PHYHIPL: variants seen among roughly 807,000 people sequenced by gnomAD.
The protein encoded by PHYHIPL is phytanoyl-CoA hydroxylase-interacting protein-like.
Under a neutral mutation model 33.4 loss-of-function variants are expected in PHYHIPL, and 9 were observed. The observed-to-expected ratio is 0.27, with a 90% confidence interval of 0.16 to 0.47. The LOEUF is 0.47. Ranked by LOEUF, PHYHIPL falls within the 20% of genes least tolerant of loss-of-function variation. The probability of loss-of-function intolerance (pLI) is 0.99; values close to 1 mark genes in which losing one functional copy is unlikely to be tolerated. For missense variants in PHYHIPL, 365 were observed against 460.7 expected (o/e 0.79, Z 1.90); for synonymous variants, 153 against 154.1 (o/e 0.99, Z 0.05).
intron 1 of PHYHIPL, among the ~76,000 whole-genome samples, chr10:59,212,728 A>C (rs1839496854): frequency 6.6e-6 from 1 of 152,180 alleles, no homozygotes; most frequent in Non-Finnish European, 1.5e-5. Context: ...TTGCTCAATT[A>C]AACTCTGTTA....
intron 1 of PHYHIPL, among the ~76,000 whole-genome samples, chr10:59,184,984 A>ATTTTT (rs34336392): frequency 1.2e-4 from 11 of 92,088 alleles, no homozygotes; most frequent in Non-Finnish European, 1.6e-4. Flanking sequence ...TGAACTCATC[A>ATTTTT]TTTTTTTTTT....
intron 1 of PHYHIPL, among the ~76,000 whole-genome samples, chr10:59,194,281 A>G (rs2133204830): frequency 6.6e-6 from 1 of 152,042 alleles, no homozygotes; most frequent in African/African-American, 2.4e-5. Flanking sequence ...TTATTTTTCT[A>G]AGAGCTTCAT....
At chr10:59,236,224 T>TAAGTA (rs1222733671) in intron 2 of PHYHIPL, among the ~76,000 whole-genome samples, 1 of 151,954 alleles carries the variant, frequency 6.6e-6, no homozygotes, top group Non-Finnish European at 1.5e-5. Context: ...TAATAATTGT[T>TAAGTA]AAGTATCTTT....
In PHYHIPL at chr10:59,186,256, G is replaced by T. The variant is rs530670258; in HGVS notation, c.106+9297G>T. On this transcript the variant is annotated intron_variant, in intron 1 of 4. Coordinates refer to ENST00000373880, the MANE Select transcript of PHYHIPL (RefSeq NM_032439.4). ...CCCATGGCTTATTTTTGTCAGGTTT[G>T]TCAAAGATCAGATAGTTGTAGATAT... is the stretch of plus-strand genomic sequence containing the variant. 2.6e-5 allele frequency among the ~76,000 whole-genome samples: 4 copies of T among 152,272 alleles called. No homozygotes were observed. The South Asian group carries it at 8.3e-4, about 32-fold the overall frequency.
intron 1 of PHYHIPL, among the ~76,000 whole-genome samples, chr10:59,226,252 CT>C (rs1839918902): frequency 1.3e-5 from 2 of 151,924 alleles, no homozygotes; most frequent in South Asian, 4.1e-4. Flanking sequence ...GGGAGAAACA[CT>C]TAGAATTTTT....
At chr10:59,177,568 T>C in intron 1 of PHYHIPL, 1 of 1,551,726 alleles carries the variant, frequency 6.4e-7, no homozygotes, top group Non-Finnish European at 8.7e-7. Flanking sequence ...TGAGTCAGAC[T>C]GTCGAAAATA....
chr10:59,206,413 G>A (rs943164886), intron 1 of PHYHIPL, among the ~76,000 whole-genome samples: 4 of 152,138 alleles, frequency 2.6e-5, no homozygotes, highest in African/African-American at 9.7e-5. Context: ...TGGAGTTCTC[G>A]TGATTGGCAT....
intron 1 of PHYHIPL, among the ~76,000 whole-genome samples, chr10:59,221,246 T>C (rs1307477547): frequency 6.6e-6 from 1 of 152,058 alleles, no homozygotes; most frequent in Non-Finnish European, 1.5e-5. Context: ...TGCTGGATAG[T>C]TTTAATATTC....
At chr10:59,218,870 A>G (rs1057340735) in intron 1 of PHYHIPL, among the ~76,000 whole-genome samples, 8 of 152,146 alleles carry the variant, frequency 5.3e-5, no homozygotes, top group African/African-American at 1.9e-4. Context: ...AACCCACCTC[A>G]TATTACAATG....
At chr10:59,200,630 T>C (rs1235048370) in intron 1 of PHYHIPL, among the ~76,000 whole-genome samples, 1 of 152,174 alleles carries the variant, frequency 6.6e-6, no homozygotes, top group Non-Finnish European at 1.5e-5. Context: ...TCAGAAGGAA[T>C]GGTACCAGCT....
chr10:59,236,936 A>G (rs1032542990), intron 3 of PHYHIPL, among the ~76,000 whole-genome samples: 1 of 151,672 alleles, frequency 6.6e-6, no homozygotes, highest in Non-Finnish European at 1.5e-5. Context: ...AAAGGTATGC[A>G]GTTTGAAAAT....
At chr10:59,174,123 A>G (rs2133164501), upstream of PHYHIPL, among the ~76,000 whole-genome samples, 1 of 151,384 alleles carries the variant, frequency 6.6e-6, no homozygotes, top group East Asian at 2.0e-4. Flanking sequence ...TGGGAAAGTA[A>G]TTTCTCTGTC....
At chr10:59,234,168 A>C (rs558866325) in intron 1 of PHYHIPL, 136 bp from the exon 2 acceptor site, 15 of 659,330 alleles carry the variant, frequency 2.3e-5, no homozygotes, top group Middle Eastern at 4.1e-4. Flanking sequence ...AACAAATTGG[A>C]AACATAAATG....
intron 4 of PHYHIPL, among the ~76,000 whole-genome samples, chr10:59,239,455 C>T (rs1428425846): frequency 1.3e-5 from 2 of 152,012 alleles, no homozygotes; most frequent in Non-Finnish European, 2.9e-5. Context: ...CACTGGGTTC[C>T]TCCCATGACA....
chr10:59,240,028 A>G (rs907848445), intron 4 of PHYHIPL, among the ~76,000 whole-genome samples: 4 of 152,142 alleles, frequency 2.6e-5, no homozygotes, highest in Admixed American at 6.6e-5. Context: ...ACACGTAGGC[A>G]TCTGTGTTCT....
intron 1 of PHYHIPL, among the ~76,000 whole-genome samples, chr10:59,185,178 G>T (rs1189575197): frequency 9.9e-5 from 15 of 151,616 alleles, no homozygotes; most frequent in Non-Finnish European, 2.1e-4. Context: ...TTTTAGTAGA[G>T]ACGGGGTTTC....
chr10:59,229,600 C>G (rs778572030), intron 1 of PHYHIPL, among the ~76,000 whole-genome samples: 1 of 152,072 alleles, frequency 6.6e-6, no homozygotes, highest in Admixed American at 6.6e-5. Flanking sequence ...ATTCGTGAAT[C>G]GGGCAGCCTC....
intron 1 of PHYHIPL, among the ~76,000 whole-genome samples, chr10:59,193,255 A>G (rs563222162): frequency 6.6e-5 from 10 of 152,302 alleles, no homozygotes; most frequent in African/African-American, 2.2e-4. Context: ...AAGAAATACA[A>G]TTAACCTAAG....
Position 59,245,620 on chromosome 10 carries a change from C to T in PHYHIPL, c.*29C>T. ...CCACTTTTCTTATTCTTACTCAGCCCCTTTTCCTCCCTTAGGAGCATTGGT... is the reference window on the plus strand; with the variant it reads ...CCACTTTTCTTATTCTTACTCAGCCTCTTTTCCTCCCTTAGGAGCATTGGT... On this transcript the variant is annotated 3_prime_UTR_variant, in exon 5 of 5. Transcript: ENST00000373880. 1 of 1,548,044 alleles carries T rather than the reference C, an allele frequency of 6.5e-7. No individual in the cohort carries two copies. The highest frequency in any genetic ancestry group is 8.7e-7 in the Non-Finnish European group (1 of 1,150,788).
Sources: gnomAD v4.1 joint callset for allele counts (sites outside exome capture counted in the v4.1 genomes callset) on GRCh38, gnomAD v4.1.1 for gene constraint, MANE v1.5 for transcripts, NCBI Gene and HGNC (gene_info 2026-07-23, HGNC 2026-07-21) for gene names.